Variants in HNRNPC observed in about 807,000 individuals in gnomAD.
The protein encoded by HNRNPC is heterogeneous nuclear ribonucleoproteins C1/C2.
In HNRNPC, 3 loss-of-function variants were observed where a neutral mutation model predicts 33.2. That is an observed-to-expected ratio of 0.09 (90% CI 0.04 to 0.23). HNRNPC has a LOEUF of 0.23. HNRNPC is among the 10% of genes least tolerant of loss of function. The pLI, the probability that HNRNPC is intolerant of heterozygous loss-of-function variation, is 1.00. For missense variants in HNRNPC, 143 were observed against 366.7 expected (o/e 0.39, Z 4.98); for synonymous variants, 121 against 126.7 (o/e 0.96, Z 0.30).
chr14:21,248,579 A>C (rs1896262480), intron 2 of HNRNPC, among the ~76,000 whole-genome samples: 1 of 152,240 alleles, frequency 6.6e-6, no homozygotes, highest in Non-Finnish European at 1.5e-5. Flanking sequence ...TTATTGGCAC[A>C]TACCAACAAA....
intron 5 of HNRNPC, among the ~76,000 whole-genome samples, chr14:21,218,681 CAAAAAA>C (rs71112557): frequency 0.016 from 802 of 51,226 alleles, 8 homozygotes; most frequent in Middle Eastern, 0.071. Context: ...AACTCTCTCT[CAAAAAA>C]AAAAAAAAAA....
chr14:21,215,914 AAAGG>A (rs367664949), intron 5 of HNRNPC, among the ~76,000 whole-genome samples: 1 of 142,208 alleles, frequency 7.0e-6, no homozygotes, highest in African/African-American at 2.6e-5. Flanking sequence ...AAAAAAAAAG[AAAGG>A]AAGAAAGAAA....
At chr14:21,212,876 T>C (rs1891770874) in intron 6 of HNRNPC, 84 bp downstream of exon 6, 3 of 1,524,388 alleles carry the variant, frequency 2.0e-6, no homozygotes, top group East Asian at 2.3e-5. Context: ...CAAAGTCATG[T>C]GGCACAAAAA....
chr14:21,225,440 G>GAA lies in HNRNPC; in HGVS notation c.365+4877_365+4878dup, dbSNP rs10672627. Among the ~76,000 whole-genome samples, 147 of 143,052 alleles carry GAA rather than the reference G, an allele frequency of 1.0e-3. 2 individuals carry two copies. The highest frequency in any genetic ancestry group is 8.8e-3 in the South Asian group (40 of 4,548). 93.8% of individuals were successfully genotyped at this position (143,052 alleles called of 152,430 possible). A position where few individuals can be genotyped will look rare whatever the true frequency, so the allele number is the denominator to read the frequency against. On this transcript the variant is annotated intron_variant, in intron 5 of 8. Transcript: ENST00000553300. ...GAGCAAGACTCTGTCTCAAAAAAAGGAAAAAAAAAAACAGAGAGAGATGAG... is the reference window on the plus strand; with the variant it reads ...GAGCAAGACTCTGTCTCAAAAAAAGGAAAAAAAAAAAAACAGAGAGAGATGAG...
chr14:21,212,311 T>A (rs1891703893), intron 6 of HNRNPC, among the ~76,000 whole-genome samples: 1 of 152,016 alleles, frequency 6.6e-6, no homozygotes, highest in Admixed American at 6.6e-5. Flanking sequence ...CCTTCTGTAA[T>A]GTTTTACTGC....
At chr14:21,219,434 G>GT (rs1184890268) in intron 5 of HNRNPC, among the ~76,000 whole-genome samples, 1 of 152,166 alleles carries the variant, frequency 6.6e-6, no homozygotes, top group Non-Finnish European at 1.5e-5. Flanking sequence ...TGAAATCTGT[G>GT]TAAGATTTCT....
intron 5 of HNRNPC, among the ~76,000 whole-genome samples, chr14:21,225,177 T>C (rs970568626): frequency 8.6e-5 from 13 of 151,840 alleles, no homozygotes; most frequent in Non-Finnish European, 1.8e-4. Context: ...TCCCAGCACT[T>C]TGGGAGGGCG....
chr14:21,219,007 G>A (rs1445985176), intron 5 of HNRNPC, among the ~76,000 whole-genome samples: 1 of 151,056 alleles, frequency 6.6e-6, no homozygotes, highest in Non-Finnish European at 1.5e-5. Context: ...CTACTTGGGA[G>A]GCTAAGGCAG....
chr14:21,247,594 TAAATC>T (rs1053386900), intron 2 of HNRNPC, among the ~76,000 whole-genome samples: 8 of 152,070 alleles, frequency 5.3e-5, no homozygotes, highest in East Asian at 1.9e-4. Context: ...TTTAAAAAAA[TAAATC>T]AAAATTTTAG....
intron 2 of HNRNPC, among the ~76,000 whole-genome samples, chr14:21,246,316 T>C (rs997737590): frequency 4.6e-5 from 7 of 152,028 alleles, no homozygotes; most frequent in Non-Finnish European, 1.0e-4. Context: ...TCCCAGCACT[T>C]TGGAAGGCCG....
chr14:21,212,008 G>C, intron 6 of HNRNPC, 85 bp from the exon 7 acceptor site: 1 of 998,778 alleles, frequency 1.0e-6, no homozygotes, highest in Non-Finnish European at 1.6e-6. Flanking sequence ...ACTACATCAG[G>C]AGCTCACAGG....
intron 5 of HNRNPC, among the ~76,000 whole-genome samples, chr14:21,224,868 T>C (rs1412849852): frequency 6.6e-6 from 1 of 152,168 alleles, no homozygotes; most frequent in African/African-American, 2.4e-5. Flanking sequence ...CATATTAATA[T>C]ATTTAGCCAT....
chr14:21,259,692 G>A (rs1170992862), intron 2 of HNRNPC, among the ~76,000 whole-genome samples: 1 of 151,862 alleles, frequency 6.6e-6, no homozygotes, highest in Admixed American at 6.6e-5. Flanking sequence ...TAATCTCATA[G>A]CATTACCTTT....
chr14:21,219,013 G>A (rs1892533961), intron 5 of HNRNPC, among the ~76,000 whole-genome samples: 1 of 151,182 alleles, frequency 6.6e-6, no homozygotes, highest in African/African-American at 2.4e-5. Context: ...GGGAGGCTAA[G>A]GCAGGAGAAT....
intron 2 of HNRNPC, among the ~76,000 whole-genome samples, chr14:21,258,034 T>A (rs964506696): frequency 6.6e-6 from 1 of 152,224 alleles, no homozygotes; most frequent in Admixed American, 6.5e-5. Context: ...TATTTAGTTT[T>A]AAAATTTTAA....
intron 5 of HNRNPC, among the ~76,000 whole-genome samples, chr14:21,222,750 C>T (rs1247190267): frequency 1.3e-5 from 2 of 152,000 alleles, no homozygotes; most frequent in African/African-American, 2.4e-5. Flanking sequence ...AAAAATTAGC[C>T]GGGCCTTGTG....
chr14:21,237,395 T>C (rs74623854), intron 2 of HNRNPC, among the ~76,000 whole-genome samples: 1 of 152,218 alleles, frequency 6.6e-6, no homozygotes, highest in African/African-American at 2.4e-5. Context: ...TGTTTAAGAA[T>C]CCACAGTATT....
rs1417320110 is a variant in HNRNPC at position 21,225,826 on chromosome 14, T to C, written c.365+4493A>G. ...TATTAGTTCTGCAATATCACCATTA[T>C]CTAATTTGAGAACAATTTCATGGGT... On this transcript the variant is annotated intron_variant, in intron 5 of 8. Transcript: ENST00000553300. Among the ~76,000 whole-genome samples, 5 of 152,270 alleles carry C rather than the reference T, an allele frequency of 3.3e-5. No individual in the cohort carries two copies. In the East Asian group the frequency reaches 7.7e-4, roughly 23 times the overall value.
chr14:21,254,046 G>A (rs1272272630), intron 2 of HNRNPC, among the ~76,000 whole-genome samples: 3 of 145,532 alleles, frequency 2.1e-5, no homozygotes, highest in Non-Finnish European at 3.0e-5. Flanking sequence ...CTGGGCTAGA[G>A]TGAGATTCCG....
Sources: gnomAD v4.1 joint callset for allele counts (sites outside exome capture counted in the v4.1 genomes callset) on GRCh38, gnomAD v4.1.1 for gene constraint, MANE v1.5 for transcripts, NCBI Gene and HGNC (gene_info 2026-07-23, HGNC 2026-07-21) for gene names.